Variants in PALLD observed in about 807,000 individuals in gnomAD.
The protein encoded by PALLD is palladin, cytoskeletal associated protein, also known as palladin.
In PALLD, 61 loss-of-function variants were observed where a neutral mutation model predicts 123.5. The ratio of observed to expected loss-of-function variants is 0.49; its 90% confidence interval spans 0.40 to 0.61. The LOEUF (loss-of-function observed/expected upper bound fraction) is 0.61, where lower values mean the gene tolerates loss of function less well. PALLD is among the 20% of genes least tolerant of loss of function. PALLD has a pLI of 0.00. For synonymous variants in PALLD, 465 were observed against 496.4 expected, an observed-to-expected ratio of 0.94 and a Z score of 0.84; for missense variants, 1,273 against 1,377.0, an observed-to-expected ratio of 0.92 and a Z score of 1.20.
In PALLD at chr4:168,512,363, C is replaced by T. The variant is rs138149986; in HGVS notation, c.859C>T (p.Arg287Ter). Residue 287 changes from arginine (R) to a stop codon, truncating the protein, a stop_gained, in exon 2 of 22, where the codon CGA (arginine) becomes TGA (stop). Transcript: ENST00000505667. LOFTEE classifies it high-confidence loss of function. ...LRSQEVAEGS[R>*]VYLECRVTGN... ...GAGCCAAGAAGTAGCAGAAGGGAGC[C>T]GAGTTTATCTGGAGTGTAGAGTCAC... 2.8e-5 allele frequency: 45 copies of T among 1,613,766 alleles called. 2 individuals carry two copies. The highest frequency in any genetic ancestry group is 2.2e-4 in the South Asian group (20 of 91,074).
At chr4:168,663,618 G>A (rs1004565873) in intron 2 of PALLD, among the ~76,000 whole-genome samples, 2 of 152,186 alleles carry the variant, frequency 1.3e-5, no homozygotes, top group Admixed American at 6.5e-5. Flanking sequence ...CTAACCCTGG[G>A]ATGGGCAGTC....
intron 2 of PALLD, among the ~76,000 whole-genome samples, chr4:168,532,437 AC>A (rs1181370856): frequency 1.3e-5 from 2 of 152,184 alleles, no homozygotes; most frequent in Non-Finnish European, 2.9e-5. Flanking sequence ...CTCTATCTCT[AC>A]CAAAATGAAT....
intron 2 of PALLD, chr4:168,648,396 G>A (rs1253709770): frequency 6.6e-6 from 1 of 152,178 alleles, no homozygotes; most frequent in Non-Finnish European, 1.5e-5. Flanking sequence ...AGAGATAGAT[G>A]CAAATTCTAT....
At chr4:168,662,625 G>C (rs1230587611) in intron 2 of PALLD, among the ~76,000 whole-genome samples, 3 of 152,168 alleles carry the variant, frequency 2.0e-5, no homozygotes, top group Non-Finnish European at 4.4e-5. Context: ...TGTCACCCTA[G>C]TATCTCTTTC....
At chr4:168,913,136 CTTT>C (rs33986728) in intron 15 of PALLD, among the ~76,000 whole-genome samples, 10 of 119,018 alleles carry the variant, frequency 8.4e-5, no homozygotes, top group Admixed American at 2.6e-4. Flanking sequence ...ATGCCACTAA[CTTT>C]TTTTTTTTTT....
intron 8 of PALLD, among the ~76,000 whole-genome samples, chr4:168,696,186 G>T (rs868749888): frequency 6.6e-6 from 1 of 152,064 alleles, no homozygotes; most frequent in Non-Finnish European, 1.5e-5. Context: ...AGACACATTT[G>T]AGTACACAGC....
intron 10 of PALLD, among the ~76,000 whole-genome samples, chr4:168,733,429 A>T (rs1291260860): frequency 6.6e-6 from 1 of 152,186 alleles, no homozygotes; most frequent in East Asian, 1.9e-4. Flanking sequence ...TTCATTAGCC[A>T]TTTGACTAAT....
chr4:168,808,218 T>C (rs373352514), intron 10 of PALLD, among the ~76,000 whole-genome samples: 123 of 151,740 alleles, frequency 8.1e-4, no homozygotes, highest in East Asian at 3.3e-3. Flanking sequence ...CAGTGGCTCA[T>C]GCCTGTAATC....
rs1321421028 is a variant in PALLD at position 168,844,078 on chromosome 4, GTCTA to G, written c.1965-46839_1965-46836del. Reference sequence around the variant, plus strand: ...GCGTTAACAAGGATGCTGTTAGGTTGTCTATCTACTCTGAATCCCTACTTAGGAG... The same window carrying G: ...GCGTTAACAAGGATGCTGTTAGGTTGTCTACTCTGAATCCCTACTTAGGAG... On this transcript the variant is annotated intron_variant, in intron 10 of 21. Coordinates refer to ENST00000505667, the MANE Select transcript of PALLD (RefSeq NM_001166108.2). This position sits in a 1 kb window ranked among gnomAD's most constrained non-coding sequence, Gnocchi z 4.5. 4.6e-5 allele frequency: 7 copies of G among 152,196 alleles called. 1 individual carries two copies. The highest frequency in any genetic ancestry group is 8.8e-5 in the Non-Finnish European group (6 of 68,036). 9.4% of individuals were successfully genotyped at this position (152,196 alleles called of 1,614,324 possible).
intron 18 of PALLD, among the ~76,000 whole-genome samples, chr4:168,922,260 A>AG (rs1441928768): frequency 1.3e-5 from 2 of 152,188 alleles, no homozygotes; most frequent in Admixed American, 6.5e-5. Context: ...TGTTACATGA[A>AG]GTCTTATGCT....
rs199925359 is a variant in PALLD, at chr4:168,753,105, A to C, written c.1964+41182A>C. ...CTCAGTTGACATTATGAAAACTCTC[A>C]TTGCTTATCCTTGGAGGAAATATAG... is the stretch of plus-strand genomic sequence containing the variant. On this transcript the variant is annotated intron_variant, in intron 10 of 21. Coordinates refer to ENST00000505667, the MANE Select transcript of PALLD (RefSeq NM_001166108.2). Among the ~76,000 whole-genome samples the C allele has an allele frequency of 3.3e-4, 50 of 152,286 alleles. No individual in the cohort carries two copies. In the East Asian group the frequency reaches 9.7e-3, roughly 29 times the overall value.
At chr4:168,867,863 C>T (rs1750521024) in intron 10 of PALLD, among the ~76,000 whole-genome samples, 1 of 146,180 alleles carries the variant, frequency 6.8e-6, no homozygotes, top group Admixed American at 6.9e-5. Flanking sequence ...AGGCCACTTT[C>T]TAAAAAGTGT....
At chr4:168,799,899 G>A (rs1739071911) in intron 10 of PALLD, among the ~76,000 whole-genome samples, 1 of 152,082 alleles carries the variant, frequency 6.6e-6, no homozygotes, top group Admixed American at 6.5e-5. Flanking sequence ...ACGAGCATTT[G>A]TGTACTGTAT....
chr4:168,852,647 G>T (rs1747973433), intron 10 of PALLD, among the ~76,000 whole-genome samples: 2 of 152,164 alleles, frequency 1.3e-5, no homozygotes, highest in African/African-American at 4.8e-5. Flanking sequence ...TGTCTCAAAA[G>T]GAAAGAACCA....
At position 168,921,705 on chromosome 4, in the gene PALLD, G is replaced by C; in HGVS notation, c.3022G>C (p.Gly1008Arg). Residue 1008 changes from glycine to arginine, a missense_variant, in exon 18 of 22, where the codon GGA (glycine) becomes CGA (arginine). Around this residue, in one of 2 missense-constraint regions of PALLD, gnomAD observed 329 missense variants for 422.5 expected, o/e 0.78. Transcript: ENST00000505667. ...IYTCIATNRA[G>R]QNSFSLELVV... is the part of the protein sequence containing the mutation. ...CACATGTATAGCTACCAACCGAGCA[G>C]GACAGAACTCATTCAGCCTGGAGCT... The C allele has an allele frequency of 6.2e-7, 1 of 1,611,690 alleles. No homozygotes were observed. Among genetic ancestry groups the C allele is most frequent in the Non-Finnish European group, 8.5e-7 (1 of 1,179,822 alleles).
rs184518763 is a variant in PALLD at position 168,676,589 on chromosome 4, T to A, written c.1088-4743T>A. On this transcript the variant is annotated intron_variant, in intron 3 of 21. Transcript: ENST00000505667. Reference sequence around the variant, plus strand: ...TTAATTATATATATTTAAAAAAAAATTTTTTTTTTGAAAAGTCTCGCTCTG... The same window carrying A: ...TTAATTATATATATTTAAAAAAAAAATTTTTTTTTGAAAAGTCTCGCTCTG... Among the ~76,000 whole-genome samples, 964 of 149,210 alleles carry A rather than the reference T, an allele frequency of 6.5e-3. 14 individuals are homozygous for A. Among genetic ancestry groups the A allele is most frequent in the African/African-American group, 0.022 (888 of 40,858 alleles).
At chr4:168,599,927 T>C (rs1772379900) in intron 2 of PALLD, among the ~76,000 whole-genome samples, 1 of 151,990 alleles carries the variant, frequency 6.6e-6, no homozygotes, top group Non-Finnish European at 1.5e-5. Context: ...TATATACACA[T>C]GCACTGTTTT....
At chr4:168,863,094 T>C (rs1749736869) in intron 10 of PALLD, among the ~76,000 whole-genome samples, 2 of 152,186 alleles carry the variant, frequency 1.3e-5, no homozygotes, top group Admixed American at 1.3e-4. Context: ...AGGGAGTCCA[T>C]GTGTCTAGGG....
At chr4:168,668,412 G>A in intron 3 of PALLD, 44 bp downstream of exon 3, 2 of 1,486,498 alleles carry the variant, frequency 1.3e-6, no homozygotes, top group South Asian at 1.3e-5. Flanking sequence ...GGGTGTCAAT[G>A]GTCTAATGAC....
Sources: allele counts gnomAD v4.1 joint callset (sites outside exome capture counted in the v4.1 genomes callset), GRCh38; gene constraint gnomAD v4.1.1; regional missense constraint gnomAD v4.1.1; non-coding constraint Gnocchi (gnomAD v3.1); transcripts MANE v1.5; gene names NCBI Gene and HGNC (gene_info 2026-07-23, HGNC 2026-07-21).